The following GOLGA4 variants were observed in gnomAD, a reference collection of about 807,000 sequenced individuals.
GOLGA4 encodes the protein golgin A4, also known as golgin subfamily A member 4.
Under a neutral mutation model 265.9 loss-of-function variants are expected in GOLGA4, and 169 were observed. That is an observed-to-expected ratio of 0.64 (90% CI 0.56 to 0.72). The LOEUF (loss-of-function observed/expected upper bound fraction) is 0.72, where lower values mean the gene tolerates loss of function less well. Ranked by LOEUF, GOLGA4 falls within the 30% of genes least tolerant of loss-of-function variation. GOLGA4 has a pLI of 0.00. For missense variants in GOLGA4, 2,482 were observed against 2,483.4 expected (o/e 1.00, Z 0.01); for synonymous variants, 923 against 855.8 (o/e 1.08, Z -1.37).
chr3:37,365,422 C>T (rs1250771453), intron 23 of GOLGA4, among the ~76,000 whole-genome samples: 7 of 152,148 alleles, frequency 4.6e-5, no homozygotes, highest in African/African-American at 1.4e-4. Flanking sequence ...AGCACCACCA[C>T]GGCCGGCTAA....
intron 11 of GOLGA4, among the ~76,000 whole-genome samples, 183 bp downstream of exon 11, chr3:37,315,781 C>A (rs952402513): frequency 2.0e-5 from 3 of 152,130 alleles, no homozygotes; most frequent in Non-Finnish European, 4.4e-5. Context: ...TTCTTTGGAA[C>A]CTTTTAAGCT....
At position 37,355,142 on chromosome 3, in the gene GOLGA4, T is replaced by A; in HGVS notation, c.6618T>A (p.Asp2206Glu). 2 of 1,609,512 alleles carry A rather than the reference T, an allele frequency of 1.2e-6. No homozygotes were observed. The highest frequency in any genetic ancestry group is 1.7e-6 in the Non-Finnish European group (2 of 1,176,138). ...TAACCACCGTACTGAAGTTCCCTGA[T>A]GATCAGACTCAGAAAATTTTGGAAA... ...KVITTVLKFP[D>E]DQTQKILERE... is the part of the protein sequence containing the mutation. Residue 2206 changes from aspartate (D) to glutamate (E), a missense_variant, in exon 22 of 24, where the codon GAT becomes GAA. Coordinates refer to ENST00000361924, the MANE Select transcript of GOLGA4 (RefSeq NM_002078.5).
intron 20 of GOLGA4, among the ~76,000 whole-genome samples, chr3:37,341,969 C>G (rs1212558022): frequency 6.6e-6 from 1 of 152,150 alleles, no homozygotes; most frequent in Non-Finnish European, 1.5e-5. Flanking sequence ...TATAGCTTAT[C>G]TGCTCATTTA....
intron 5 of GOLGA4, among the ~76,000 whole-genome samples, chr3:37,292,484 G>A (rs2096867409): frequency 6.6e-6 from 1 of 152,054 alleles, no homozygotes; most frequent in African/African-American, 2.4e-5. Flanking sequence ...TCAAGAGATC[G>A]AGACCATCCT....
chr3:37,348,559 T>A (rs1251909055), intron 21 of GOLGA4, among the ~76,000 whole-genome samples: 2 of 152,178 alleles, frequency 1.3e-5, no homozygotes, highest in Admixed American at 6.5e-5. Context: ...GGGTATATTA[T>A]GTCCCTGTGG....
intron 22 of GOLGA4, 152 bp from the exon 23 acceptor site, chr3:37,361,091 A>T (rs899828952): frequency 3.4e-6 from 2 of 595,812 alleles, no homozygotes; most frequent in Non-Finnish European, 6.1e-6. Context: ...CAGATTCCTT[A>T]TTCCTTGCCT....
intron 23 of GOLGA4, among the ~76,000 whole-genome samples, chr3:37,362,330 G>A (rs1424536316): frequency 3.4e-5 from 5 of 147,620 alleles, no homozygotes; most frequent in Admixed American, 6.7e-5. Flanking sequence ...TCCGCCTCCC[G>A]GGTTCACGCC....
At chr3:37,302,051 A>T in intron 9 of GOLGA4, 134 bp from the exon 10 acceptor site, 1 of 717,262 alleles carries the variant, frequency 1.4e-6, no homozygotes, top group Non-Finnish European at 2.3e-6. Context: ...GGCCTCCCAA[A>T]GTGCTGGGAT....
At chr3:37,340,004 T>C in intron 19 of GOLGA4, 120 bp from the exon 20 acceptor site, 1 of 473,430 alleles carries the variant, frequency 2.1e-6, no homozygotes, top group Non-Finnish European at 3.9e-6. Flanking sequence ...TTTGTCTTAA[T>C]TTTATTTGCC....
chr3:37,330,458 A>T (rs1045870520), intron 16 of GOLGA4, among the ~76,000 whole-genome samples: 1 of 152,070 alleles, frequency 6.6e-6, no homozygotes, highest in Non-Finnish European at 1.5e-5. Context: ...TTGTCTCGGG[A>T]TGTGTGGGGT....
At chr3:37,293,355 G>A (rs2096869861) in intron 5 of GOLGA4, among the ~76,000 whole-genome samples, 2 of 151,886 alleles carry the variant, frequency 1.3e-5, no homozygotes, top group African/African-American at 4.8e-5. Context: ...TTTATATGTG[G>A]CCCAAGACAA....
intron 18 of GOLGA4, 110 bp downstream of exon 18, chr3:37,337,273 C>G: frequency 1.5e-6 from 1 of 655,622 alleles, no homozygotes. Context: ...AATCTTGGCT[C>G]ACTGCAACCT....
At chr3:37,282,869 A>T (rs1412506278) in intron 3 of GOLGA4, among the ~76,000 whole-genome samples, 1 of 152,186 alleles carries the variant, frequency 6.6e-6, no homozygotes, top group Non-Finnish European at 1.5e-5. Context: ...ATCCTTTAGG[A>T]ATGTAGCACC....
At position 37,325,961 on chromosome 3, in the gene GOLGA4, AAAG is replaced by A. The variant is rs745796067; in HGVS notation, c.4080_4082del (p.Glu1361del). On this transcript the variant is annotated inframe_deletion, in exon 14 of 24. Coordinates refer to ENST00000361924, the MANE Select transcript of GOLGA4 (RefSeq NM_002078.5). ...AAACATCAATGCTGTCACATTGATG[AAAG>A]AAGAGCTTAAAGAAAAAAAAGTTGA... 2 of 1,610,916 alleles carry A rather than the reference AAAG, an allele frequency of 1.2e-6. No individual in the cohort carries two copies. Among genetic ancestry groups the A allele is most frequent in the Admixed American group, 1.7e-5 (1 of 59,892 alleles).
chr3:37,276,655 T>G lies in GOLGA4; in HGVS notation c.163-5303T>G, dbSNP rs1283247553. On this transcript the variant is annotated intron_variant, in intron 2 of 23. Transcript: ENST00000361924. ...TAAGAAAACGGATTTTGTAACTAGC[T>G]TTAAACTAGGCCAAGCAACTAGTTT... 4 of 1,446,766 alleles carry G rather than the reference T, an allele frequency of 2.8e-6. No individual in the cohort carries two copies. The Admixed American group carries it at 7.8e-5, about 28-fold the overall frequency. The allele number at this position is 1,446,766 out of a possible 1,614,324, so 89.6% of individuals were successfully genotyped here. A position where few individuals can be genotyped will look rare whatever the true frequency, so the allele number is the denominator to read the frequency against.
intron 2 of GOLGA4, among the ~76,000 whole-genome samples, chr3:37,268,227 A>G (rs551061641): frequency 3.5e-4 from 53 of 152,096 alleles, no homozygotes; most frequent in African/African-American, 1.2e-3. Flanking sequence ...GACCACAGAC[A>G]TATGCCACCA....
intron 2 of GOLGA4, among the ~76,000 whole-genome samples, chr3:37,266,689 ATGG>A (rs770583062): frequency 2.0e-5 from 3 of 152,028 alleles, no homozygotes; most frequent in South Asian, 4.1e-4. Context: ...TGTGGGTGAG[ATGG>A]TGGTGGTGGT....
intron 11 of GOLGA4, among the ~76,000 whole-genome samples, chr3:37,317,353 A>G (rs1172764307): frequency 1.3e-5 from 2 of 152,016 alleles, no homozygotes; most frequent in African/African-American, 2.4e-5. Flanking sequence ...TATTTTTAGT[A>G]GAGATGGGGT....
At chr3:37,276,078 C>T in intron 2 of GOLGA4, 1 of 1,612,282 alleles carries the variant, frequency 6.2e-7, no homozygotes, top group Non-Finnish European at 8.5e-7. Flanking sequence ...TATGTTTCAT[C>T]CTTTCCTCGG....
Sources: gnomAD v4.1 joint callset for allele counts (sites outside exome capture counted in the v4.1 genomes callset) on GRCh38, gnomAD v4.1.1 for gene constraint, MANE v1.5 for transcripts, NCBI Gene and HGNC (gene_info 2026-07-23, HGNC 2026-07-21) for gene names.